GPC5: variants seen among roughly 807,000 people sequenced by gnomAD.
GPC5 encodes glypican 5.
Under a neutral mutation model 53.9 loss-of-function variants are expected in GPC5, and 47 were observed. The observed-to-expected ratio is 0.87, with a 90% CI of 0.69 to 1.11. The LOEUF (loss-of-function observed/expected upper bound fraction) is 1.11, where lower values mean the gene tolerates loss of function less well. Ranked by LOEUF, GPC5 falls within the 50% of genes most tolerant of loss-of-function variation. The probability of loss-of-function intolerance (pLI) is 0.00; values close to 1 mark genes in which losing one functional copy is unlikely to be tolerated. For synonymous variants in GPC5, 286 were observed against 263.3 expected, an observed-to-expected ratio of 1.09 and a Z score of -0.84; for missense variants, 748 against 713.1, an observed-to-expected ratio of 1.05 and a Z score of -0.56.
At chr13:91,889,232 C>T (rs1293016505) in intron 5 of GPC5, among the ~76,000 whole-genome samples, 1 of 152,182 alleles carries the variant, frequency 6.6e-6, no homozygotes, top group East Asian at 1.9e-4. Flanking sequence ...TTCTGGGACA[C>T]TCCAAGAGTC....
At chr13:92,642,393 G>A (rs928128857) in intron 7 of GPC5, among the ~76,000 whole-genome samples, 1 of 152,102 alleles carries the variant, frequency 6.6e-6, no homozygotes, top group Non-Finnish European at 1.5e-5. Flanking sequence ...GCGGTCTTTG[G>A]GAATGCCTCA....
At chr13:92,085,783 G>C (rs1320601860) in intron 6 of GPC5, among the ~76,000 whole-genome samples, 1 of 152,062 alleles carries the variant, frequency 6.6e-6, no homozygotes, top group Non-Finnish European at 1.5e-5. Flanking sequence ...TAGATCCCTC[G>C]CATGCTCAGT....
At chr13:92,509,751 C>G (rs950888663) in intron 7 of GPC5, 3 of 152,184 alleles carry the variant, frequency 2.0e-5, no homozygotes, top group Non-Finnish European at 2.9e-5. Context: ...CAACGGCATA[C>G]TCACCTTCAT....
intron 1 of GPC5, among the ~76,000 whole-genome samples, chr13:91,415,660 T>G (rs1878160480): frequency 6.7e-6 from 1 of 148,426 alleles, no homozygotes; most frequent in African/African-American, 2.5e-5. Flanking sequence ...CTTTGTGAAT[T>G]TAGAGAAATT....
At chr13:92,336,741 G>A (rs1926643) in intron 7 of GPC5, among the ~76,000 whole-genome samples, 61,393 of 152,014 alleles carry the variant, frequency 0.4, 12,542 homozygotes, top group Middle Eastern at 0.52. Flanking sequence ...TTCAAAGACT[G>A]TGTTCATAAT....
At chr13:92,411,951 A>G (rs1876061617) in intron 7 of GPC5, among the ~76,000 whole-genome samples, 1 of 152,166 alleles carries the variant, frequency 6.6e-6, no homozygotes, top group Non-Finnish European at 1.5e-5. Flanking sequence ...CAAGATCACA[A>G]TTACTTTTGC....
chr13:91,516,136 C>A (rs1885484990), intron 2 of GPC5, among the ~76,000 whole-genome samples: 1 of 152,072 alleles, frequency 6.6e-6, no homozygotes, highest in South Asian at 2.1e-4. Context: ...TGTCATTCCA[C>A]CCCTGGCGGA....
chr13:91,830,558 A>G (rs2038639222), intron 5 of GPC5, among the ~76,000 whole-genome samples: 1 of 151,936 alleles, frequency 6.6e-6, no homozygotes, highest in African/African-American at 2.4e-5. Context: ...CAGAGATTGC[A>G]GTAAAGACAG....
chr13:91,542,757 C>G lies in GPC5; in HGVS notation c.325+93835C>G, dbSNP rs561742409. Among the ~76,000 whole-genome samples the G allele has an allele frequency of 2.6e-5, 4 of 152,050 alleles. No homozygotes were observed. The South Asian group carries it at 8.3e-4, about 32-fold the overall frequency. On this transcript the variant is annotated intron_variant, in intron 2 of 7. Coordinates refer to ENST00000377067, the MANE Select transcript of GPC5 (RefSeq NM_004466.6). ...AACACGCAATGGCGCGATCTCAGCT[C>G]ACTGCAACCTCTGCCTCCCAGGTTC...
At chr13:92,308,972 T>G (rs2043128744) in intron 7 of GPC5, among the ~76,000 whole-genome samples, 4 of 152,112 alleles carry the variant, frequency 2.6e-5, no homozygotes, top group Admixed American at 2.6e-4. Flanking sequence ...ATTTATTTAT[T>G]CCTCATTCAT....
At chr13:92,784,014 A>T (rs1366770463) in intron 7 of GPC5, among the ~76,000 whole-genome samples, 1 of 152,192 alleles carries the variant, frequency 6.6e-6, no homozygotes, top group Non-Finnish European at 1.5e-5. Context: ...CCCTAATAGT[A>T]GAGGAGTTAA....
intron 2 of GPC5, among the ~76,000 whole-genome samples, chr13:91,670,633 AT>A (rs1045868683): frequency 2.0e-5 from 3 of 152,162 alleles, no homozygotes; most frequent in Non-Finnish European, 2.9e-5. Context: ...ACCACCAATC[AT>A]TGTGTTTCCT....
intron 2 of GPC5, among the ~76,000 whole-genome samples, chr13:91,562,827 C>T (rs2031346450): frequency 6.6e-6 from 1 of 151,968 alleles, no homozygotes; most frequent in African/African-American, 2.4e-5. Flanking sequence ...TACAAGACTT[C>T]TGTGAATAGG....
At chr13:91,445,738 G>A (rs1390820638) in intron 1 of GPC5, among the ~76,000 whole-genome samples, 1 of 152,126 alleles carries the variant, frequency 6.6e-6, no homozygotes, top group Non-Finnish European at 1.5e-5. Flanking sequence ...GCCTCCCAAA[G>A]TGCTGGGATT....
intron 7 of GPC5, among the ~76,000 whole-genome samples, chr13:92,500,742 A>G (rs1331497967): frequency 1.3e-5 from 2 of 152,214 alleles, no homozygotes; most frequent in East Asian, 1.9e-4. Context: ...TGTGGCCTCA[A>G]GAGGATGAGG....
intron 5 of GPC5, among the ~76,000 whole-genome samples, chr13:91,863,632 C>T (rs1228880377): frequency 1.3e-5 from 2 of 152,130 alleles, no homozygotes; most frequent in Non-Finnish European, 2.9e-5. Flanking sequence ...AGGTTTCCTG[C>T]TAGAACTGAT....
rs193238635 is a variant in GPC5, at chr13:91,810,532, A to G, written c.1280+54112A>G. On this transcript the variant is annotated intron_variant, in intron 5 of 7. Transcript: ENST00000377067. Reference sequence around the variant, plus strand: ...GAATGAATTAATCAATTTAGTTACTACAGTAAAACTGTTATAATTTAATTT... The same window carrying G: ...GAATGAATTAATCAATTTAGTTACTGCAGTAAAACTGTTATAATTTAATTT... Among the ~76,000 whole-genome samples the G allele has an allele frequency of 1.4e-3, 215 of 152,066 alleles. 2 individuals carry two copies. Among genetic ancestry groups the G allele is most frequent in the Non-Finnish European group, 1.1e-3 (76 of 67,860 alleles).
intron 7 of GPC5, among the ~76,000 whole-genome samples, chr13:92,434,241 C>T (rs1273958792): frequency 2.0e-4 from 30 of 152,038 alleles, no homozygotes; most frequent in Non-Finnish European, 1.5e-4. Flanking sequence ...AAAGTTAGTA[C>T]TGGTAGATAA....
intron 7 of GPC5, among the ~76,000 whole-genome samples, chr13:92,148,942 G>A (rs1246257036): frequency 6.6e-6 from 1 of 152,004 alleles, no homozygotes; most frequent in East Asian, 1.9e-4. Context: ...TTGAAAATTT[G>A]TGGTGGCATT....
Sources: allele counts gnomAD v4.1 joint callset (sites outside exome capture counted in the v4.1 genomes callset), GRCh38; gene constraint gnomAD v4.1.1; transcripts MANE v1.5; gene names NCBI Gene and HGNC (gene_info 2026-07-23, HGNC 2026-07-21).